Variants in LSM7 observed in about 807,000 individuals in gnomAD.
LSM7 encodes LSM7 homolog, U6 small nuclear RNA and mRNA degradation associated, also known as U6 snRNA-associated Sm-like protein LSm7.
A neutral mutation model predicts 14.1 loss-of-function variants in LSM7; 13 were observed. That is an observed-to-expected ratio of 0.92 (90% CI 0.60 to 1.47). The LOEUF (loss-of-function observed/expected upper bound fraction) is 1.47. Among genes scored for constraint, LSM7 ranks in the 40% most tolerant of loss-of-function variants. The probability of loss-of-function intolerance (pLI) is 0.00; values close to 1 mark genes in which losing one functional copy is unlikely to be tolerated. For missense variants in LSM7, 108 were observed against 140.8 expected, an observed-to-expected ratio of 0.77 and a Z score of 1.18; for synonymous variants, 70 against 57.1, an observed-to-expected ratio of 1.23 and a Z score of -1.02.
At chr19:2,325,663 G>A (rs1351862947) in intron 2 of LSM7, among the ~76,000 whole-genome samples, 1 of 152,152 alleles carries the variant, frequency 6.6e-6, no homozygotes, top group African/African-American at 2.4e-5. Context: ...GTGGTGCGGG[G>A]GAGGGTCTGC....
chr19:2,328,043 G>A (rs779526964), intron 2 of LSM7: 4 of 202,476 alleles, frequency 2.0e-5, no homozygotes, highest in Non-Finnish European at 3.0e-5. Flanking sequence ...CAATTTAGGG[G>A]GCTGAGGCAG....
At chr19:2,328,504 C>G in intron 1 of LSM7, 27 bp from the exon 2 acceptor site, 8 of 1,612,466 alleles carry the variant, frequency 5.0e-6, no homozygotes, top group Non-Finnish European at 5.9e-6. Flanking sequence ...GCGCATGAGA[C>G]CTGGAGCGCG....
chr19:2,327,611 C>A (rs2145127697), intron 2 of LSM7, among the ~76,000 whole-genome samples: 1 of 152,302 alleles, frequency 6.6e-6, no homozygotes, highest in Non-Finnish European at 1.5e-5. Context: ...GGTCATAGCT[C>A]ACTGCAGCCT....
intron 2 of LSM7, chr19:2,324,750 G>C (rs1340470755): frequency 6.4e-6 from 1 of 155,592 alleles, no homozygotes; most frequent in African/African-American, 2.4e-5. Flanking sequence ...ACCTGAGGAC[G>C]TCACGCTCAG....
rs774295608 is a variant in LSM7, at chr19:2,321,657, C to T, written c.*23G>A. ...AACCGAGCTGCTCGGGCCTGCCCTG[C>T]ACCCCCCGCGCCCCCGGCCAGGCTA... is the stretch of plus-strand genomic sequence containing the variant. On this transcript the variant is annotated 3_prime_UTR_variant, in exon 4 of 4. Transcript: ENST00000252622. The surrounding 1 kb of genome is among the most constrained non-coding windows in gnomAD (Gnocchi z 5.0). 2.7e-6 allele frequency: 4 copies of T among 1,463,588 alleles called. No homozygotes were observed. The highest frequency in any genetic ancestry group is 2.7e-5 in the East Asian group (1 of 36,888). 90.7% of individuals were successfully genotyped at this position (1,463,588 alleles called of 1,614,324 possible).
chr19:2,323,953 G>T (rs944299375), intron 3 of LSM7, among the ~76,000 whole-genome samples, 172 bp downstream of exon 3: 1 of 152,114 alleles, frequency 6.6e-6, no homozygotes, highest in African/African-American at 2.4e-5. Context: ...TCCATCGGCC[G>T]CCACGAGGCT....
At chr19:2,327,566 C>T (rs1968056795) in intron 2 of LSM7, among the ~76,000 whole-genome samples, 1 of 151,308 alleles carries the variant, frequency 6.6e-6, no homozygotes, top group South Asian at 2.1e-4. Context: ...GAGACTGGGC[C>T]TTGCTCTGTG....
chr19:2,323,829 C>T (rs974582849), intron 3 of LSM7, among the ~76,000 whole-genome samples: 7 of 152,178 alleles, frequency 4.6e-5, no homozygotes, highest in African/African-American at 7.2e-5. Context: ...CCGGGCGCCC[C>T]GTCAGTGTGT....
chr19:2,326,806 C>T (rs564868410), intron 2 of LSM7, among the ~76,000 whole-genome samples: 4 of 152,330 alleles, frequency 2.6e-5, no homozygotes, highest in African/African-American at 4.8e-5. Context: ...CCCACTGGCC[C>T]GAATAACTGA....
At chr19:2,325,701 C>T (rs1186090751) in intron 2 of LSM7, among the ~76,000 whole-genome samples, 2 of 152,252 alleles carry the variant, frequency 1.3e-5, no homozygotes, top group African/African-American at 2.4e-5. Context: ...TGAACCTGCC[C>T]GCCGCTCCTC....
intron 2 of LSM7, 59 bp from the exon 3 acceptor site, chr19:2,324,255 G>T (rs1967981799): frequency 7.3e-7 from 1 of 1,369,906 alleles, no homozygotes; most frequent in African/African-American, 1.4e-5. Flanking sequence ...CTGGGCGCAG[G>T]GCCCGCCCCA....
intron 3 of LSM7, among the ~76,000 whole-genome samples, chr19:2,322,829 G>A (rs1967953996): frequency 6.6e-6 from 1 of 151,940 alleles, no homozygotes; most frequent in South Asian, 2.1e-4. Flanking sequence ...TCCTGCCTTA[G>A]CCTCCTGAGT....
In LSM7 at chr19:2,326,312, T is replaced by TGTGTG. The variant is rs1968015474; in HGVS notation, c.97+2074_97+2075insCACAC. Among the ~76,000 whole-genome samples, 548 of 129,764 alleles carry TGTGTG rather than the reference T, an allele frequency of 4.2e-3. 3 individuals carry two copies. Among genetic ancestry groups the TGTGTG allele is most frequent in the South Asian group, 0.02 (79 of 3,910 alleles). 85.1% of individuals were successfully genotyped at this position (129,764 alleles called of 152,430 possible). A position where few individuals can be genotyped will look rare whatever the true frequency, so the allele number is the denominator to read the frequency against. ...TCAGGGACCAAACCCTTTCTGCTTT[T>TGTGTG]TGTGTGTGTGTGTGTGTGTGTGTGT... On this transcript the variant is annotated intron_variant, in intron 2 of 3. Transcript: ENST00000252622.
chr19:2,327,329 G>A (rs1968048650), intron 2 of LSM7, among the ~76,000 whole-genome samples: 1 of 151,456 alleles, frequency 6.6e-6, no homozygotes, highest in Non-Finnish European at 1.5e-5. Flanking sequence ...GCACAATCTC[G>A]CCTCTGGGGT....
At chr19:2,322,094 G>C (rs1174467327) in intron 3 of LSM7, among the ~76,000 whole-genome samples, 1 of 152,214 alleles carries the variant, frequency 6.6e-6, no homozygotes, top group East Asian at 1.9e-4. Context: ...CCAGGTGATA[G>C]CCGGCTACCC....
chr19:2,322,952 G>A (rs534233884), intron 3 of LSM7, among the ~76,000 whole-genome samples: 17 of 151,288 alleles, frequency 1.1e-4, no homozygotes, highest in South Asian at 1.0e-3. Flanking sequence ...TCCTGGGCTC[G>A]AGTGATCCTC....
intron 2 of LSM7, among the ~76,000 whole-genome samples, chr19:2,325,518 A>ATCTCGGGAAGCAGGCACCACCG (rs1968001090): frequency 6.6e-6 from 1 of 151,818 alleles, no homozygotes; most frequent in African/African-American, 2.4e-5. Flanking sequence ...AGGCACCACC[A>ATCTCGGGAAGCAGGCACCACCG]ATCTCGGGAA....
At chr19:2,322,405 G>A (rs565225406) in intron 3 of LSM7, among the ~76,000 whole-genome samples, 1 of 152,338 alleles carries the variant, frequency 6.6e-6, no homozygotes, top group African/African-American at 2.4e-5. Context: ...GCCGGGCGTG[G>A]TGGCAGGCAC....
rs1968015474 is a variant in LSM7 at position 2,326,312 on chromosome 19, T to TGTGTGTGTGTGTGTG, written c.97+2074_97+2075insCACACACACACACAC. 6.9e-5 allele frequency among the ~76,000 whole-genome samples: 9 copies of TGTGTGTGTGTGTGTG among 129,674 alleles called. No individual in the cohort carries two copies. In the East Asian group the frequency reaches 8.9e-4, roughly 13 times the overall value. 85.1% of individuals were successfully genotyped at this position (129,674 alleles called of 152,430 possible). ...TCAGGGACCAAACCCTTTCTGCTTTTTGTGTGTGTGTGTGTGTGTGTGTGT... is the reference window on the plus strand; with the variant it reads ...TCAGGGACCAAACCCTTTCTGCTTTTGTGTGTGTGTGTGTGTGTGTGTGTGTGTGTGTGTGTGTGT... On this transcript the variant is annotated intron_variant, in intron 2 of 3. Transcript: ENST00000252622.
Sources: allele counts gnomAD v4.1 joint callset (sites outside exome capture counted in the v4.1 genomes callset), GRCh38; gene constraint gnomAD v4.1.1; non-coding constraint Gnocchi (gnomAD v3.1); transcripts MANE v1.5; gene names NCBI Gene and HGNC (gene_info 2026-07-23, HGNC 2026-07-21).